PAPSS2: variants seen among roughly 807,000 people sequenced by gnomAD.
PAPSS2 encodes the protein bifunctional 3'-phosphoadenosine 5'-phosphosulfate synthase 2.
PAPSS2 carries 61 observed loss-of-function variants against 66.5 expected under a neutral mutation model. That is an observed-to-expected ratio of 0.92 (90% CI 0.75 to 1.14). The LOEUF is 1.14. Among genes scored for constraint, PAPSS2 ranks in the 50% most tolerant of loss-of-function variants. The pLI is 0.00. For synonymous variants in PAPSS2, 289 were observed against 287.5 expected, an observed-to-expected ratio of 1.01 and a Z score of -0.05; for missense variants, 708 against 789.6, an observed-to-expected ratio of 0.90 and a Z score of 1.24.
At chr10:87,676,230 T>A (rs1315173293) in intron 1 of PAPSS2, among the ~76,000 whole-genome samples, 4 of 152,088 alleles carry the variant, frequency 2.6e-5, no homozygotes, top group Non-Finnish European at 5.9e-5. Flanking sequence ...TTTGCCCGAT[T>A]CCCATATCAC....
rs1853309105 is a variant in PAPSS2, at chr10:87,701,362, TTCTTTCTTTCTTTC to T, written c.28-7832_28-7819del. On this transcript the variant is annotated intron_variant, in intron 1 of 12. Transcript: ENST00000456849. ...TTTCTTTCTTTCTTTCTTTCTTTCTTTCTTTCTTTCTTTCTTTCTTTCTTTCTTTCTTTCTCTTT... is the reference window on the plus strand; with the variant it reads ...TTTCTTTCTTTCTTTCTTTCTTTCTTTTTCTTTCTTTCTTTCTTTCTCTTT... Among the ~76,000 whole-genome samples the T allele has an allele frequency of 1.0e-4, 12 of 115,534 alleles. No homozygotes were observed. The South Asian group carries it at 3.7e-3, about 36-fold the overall frequency. 75.8% of individuals were successfully genotyped at this position (115,534 alleles called of 152,430 possible).
chr10:87,660,092 C>T (rs962688456), intron 1 of PAPSS2, 84 bp downstream of exon 1: 8 of 1,391,776 alleles, frequency 5.7e-6, no homozygotes, highest in African/African-American at 4.2e-5. Context: ...GCACTTGGGT[C>T]CCACCCTCCC....
chr10:87,663,106 CTTTTTTTTTTTT>C (rs1184871976), intron 1 of PAPSS2, among the ~76,000 whole-genome samples: 1 of 67,606 alleles, frequency 1.5e-5, no homozygotes, highest in African/African-American at 6.5e-5. Context: ...GAAGTAGCCA[CTTTTTTTTTTTT>C]TTTTTTTTTT....
chr10:87,715,687 AAACAG>A, intron 6 of PAPSS2, 40 bp from the exon 7 acceptor site: 1 of 1,288,766 alleles, frequency 7.8e-7, no homozygotes, highest in African/African-American at 1.5e-5. Flanking sequence ...GATGCCTGGA[AAACAG>A]AACTTATGAA....
rs568590953 is a variant in PAPSS2, at chr10:87,681,900, G to A, written c.27+21892G>A. ...CTTCATACTTTTTATGGCTGAATACGATTCCATTGTGTGGGTATACCACAT... is the reference window on the plus strand; with the variant it reads ...CTTCATACTTTTTATGGCTGAATACAATTCCATTGTGTGGGTATACCACAT... On this transcript the variant is annotated intron_variant, in intron 1 of 12. Transcript: ENST00000456849. Among the ~76,000 whole-genome samples the A allele has an allele frequency of 1.7e-3, 255 of 152,208 alleles. 1 individual carries two copies. The highest frequency in any genetic ancestry group is 5.8e-3 in the African/African-American group (240 of 41,512).
chr10:87,685,089 T>C (rs1012843338), intron 1 of PAPSS2, among the ~76,000 whole-genome samples: 15 of 152,156 alleles, frequency 9.9e-5, no homozygotes, highest in African/African-American at 3.6e-4. Flanking sequence ...AGTGACCCCA[T>C]TCATTCACCT....
intron 9 of PAPSS2, among the ~76,000 whole-genome samples, chr10:87,736,680 A>T (rs1453426352): frequency 1.3e-5 from 2 of 152,336 alleles, no homozygotes; most frequent in Admixed American, 1.3e-4. Context: ...TAAAAGTTAC[A>T]TGTGTAACTA....
At chr10:87,693,636 C>T (rs914168363) in intron 1 of PAPSS2, among the ~76,000 whole-genome samples, 2 of 152,104 alleles carry the variant, frequency 1.3e-5, no homozygotes, top group African/African-American at 4.8e-5. Context: ...CCAGTTCGGT[C>T]GTTTATTTAG....
intron 7 of PAPSS2, among the ~76,000 whole-genome samples, chr10:87,718,407 T>G (rs1276682590): frequency 1.3e-5 from 2 of 152,208 alleles, no homozygotes; most frequent in African/African-American, 2.4e-5. Flanking sequence ...GCTCCCACTT[T>G]CCATGTAATC....
rs771633595 is a variant in PAPSS2 at position 87,745,815 on chromosome 10, T to C, written c.1722-17T>C. The C allele has an allele frequency of 1.9e-6, 3 of 1,613,970 alleles. No homozygotes were observed. Among genetic ancestry groups the C allele is most frequent in the Non-Finnish European group, 2.5e-6 (3 of 1,179,860 alleles). ...TCATTTACCTACACTGAGTTCTTTG[T>C]TGCCACCCTGTAACAGGCACAATGA... On this transcript the variant is annotated splice_polypyrimidine_tract_variant and intron_variant, in intron 12 of 12. Coordinates refer to ENST00000456849, the MANE Select transcript of PAPSS2 (RefSeq NM_001015880.2).
At chr10:87,672,433 C>T (rs929447872) in intron 1 of PAPSS2, among the ~76,000 whole-genome samples, 1 of 152,106 alleles carries the variant, frequency 6.6e-6, no homozygotes, top group African/African-American at 2.4e-5. Context: ...ATATGTGATC[C>T]TTGGAGTAGA....
chr10:87,718,145 C>T (rs1853554102), intron 7 of PAPSS2, among the ~76,000 whole-genome samples: 1 of 151,868 alleles, frequency 6.6e-6, no homozygotes, highest in Non-Finnish European at 1.5e-5. Context: ...CGGGTTCAAG[C>T]GATTCTCCTG....
intron 1 of PAPSS2, among the ~76,000 whole-genome samples, chr10:87,665,559 A>C (rs1013063253): frequency 6.6e-6 from 1 of 152,138 alleles, no homozygotes; most frequent in African/African-American, 2.4e-5. Context: ...TTGGATTGCT[A>C]TTTTGCACAT....
intron 1 of PAPSS2, chr10:87,703,797 C>T (rs548920859): frequency 1.9e-6 from 1 of 518,860 alleles, no homozygotes; most frequent in African/African-American, 1.9e-5. Flanking sequence ...CTTAGGGACC[C>T]AGTATAGAAG....
chr10:87,727,302 G>T lies in PAPSS2; in HGVS notation c.899G>T (p.Ser300Ile). The T allele has an allele frequency of 6.2e-7, 1 of 1,613,394 alleles. No individual in the cohort carries two copies. Among genetic ancestry groups the T allele is most frequent in the African/African-American group, 1.3e-5 (1 of 75,022 alleles). Residue 300 changes from serine (S) to isoleucine (I), a missense_variant, in exon 9 of 13, where the codon AGC becomes ATC. Coordinates refer to ENST00000456849, the MANE Select transcript of PAPSS2 (RefSeq NM_001015880.2). ...MALPDGVINM[S>I]IPIVLPVSAE... ...TCCACAGATGGCGTGATCAACATGA[G>T]CATCCCCATTGTACTGCCCGTCTCT...
At chr10:87,664,119 A>T (rs1313502397) in intron 1 of PAPSS2, among the ~76,000 whole-genome samples, 1 of 151,834 alleles carries the variant, frequency 6.6e-6, no homozygotes, top group African/African-American at 2.4e-5. Context: ...ATGAGGTCTC[A>T]CTCTGTTGCT....
intron 9 of PAPSS2, among the ~76,000 whole-genome samples, chr10:87,731,527 G>A (rs1853729484): frequency 6.6e-6 from 1 of 152,208 alleles, no homozygotes; most frequent in Non-Finnish European, 1.5e-5. Flanking sequence ...TGCTCTAGAT[G>A]GTGATTCCTC....
chr10:87,694,447 G>T (rs1293608034), intron 1 of PAPSS2, among the ~76,000 whole-genome samples: 1 of 152,238 alleles, frequency 6.6e-6, no homozygotes, highest in Admixed American at 6.5e-5. Flanking sequence ...AAGGAAGGCA[G>T]CCAGCACCCA....
At position 87,746,084 on chromosome 10, in the gene PAPSS2, T is replaced by G. The variant is rs1853935237; in HGVS notation, c.*114T>G. On this transcript the variant is annotated 3_prime_UTR_variant, in exon 13 of 13. Coordinates refer to ENST00000456849, the MANE Select transcript of PAPSS2 (RefSeq NM_001015880.2). ...AATGATGCATTTTAATCTTTTATAA[T>G]GAAGTAAAAGTTGTGTCTATAATTA... 1 of 990,644 alleles carries G rather than the reference T, an allele frequency of 1.0e-6. No homozygotes were observed. The highest frequency in any genetic ancestry group is 1.5e-6 in the Non-Finnish European group (1 of 653,364). The allele number at this position is 990,644 out of a possible 1,614,324, so 61.4% of individuals were successfully genotyped here. A position where few individuals can be genotyped will look rare whatever the true frequency, so the allele number is the denominator to read the frequency against.
Sources: allele counts gnomAD v4.1 joint callset (sites outside exome capture counted in the v4.1 genomes callset), GRCh38; gene constraint gnomAD v4.1.1; transcripts MANE v1.5; gene names NCBI Gene and HGNC (gene_info 2026-07-23, HGNC 2026-07-21).